Variants in NME9 observed in about 807,000 individuals in gnomAD.
NME9 encodes NME/NM23 family member 9.
Under a neutral mutation model 44.4 loss-of-function variants are expected in NME9, and 48 were observed. The ratio of observed to expected loss-of-function variants is 1.08; its 90% CI spans 0.86 to 1.37. The LOEUF is 1.37. Ranked by LOEUF, NME9 falls within the 40% of genes most tolerant of loss-of-function variation. NME9 has a pLI of 0.00. For missense variants in NME9, 325 were observed against 405.2 expected (o/e 0.80, Z 1.70); for synonymous variants, 139 against 147.1 (o/e 0.94, Z 0.40).
intron 1 of NME9, among the ~76,000 whole-genome samples, chr3:138,327,703 A>T (rs569969018): frequency 3.3e-5 from 5 of 152,188 alleles, no homozygotes; most frequent in African/African-American, 1.2e-4. Context: ...CAAGGGGTTT[A>T]CCTTATAGAG....
At chr3:138,263,802 G>C in intron 8 of NME9, 1 of 1,614,032 alleles carries the variant, frequency 6.2e-7, no homozygotes, top group Non-Finnish European at 8.5e-7. Flanking sequence ...TAGTGTCAAG[G>C]TGCGGTTAGC....
chr3:138,263,169 C>T (rs1257336451), intron 8 of NME9, among the ~76,000 whole-genome samples: 1 of 152,194 alleles, frequency 6.6e-6, no homozygotes, highest in East Asian at 1.9e-4. Context: ...AGGAAAATTG[C>T]AGGTTATCTT....
At chr3:138,297,171 T>C (rs2051560790), downstream of NME9, 1 of 152,250 alleles carries the variant, frequency 6.6e-6, no homozygotes. Flanking sequence ...AAATCTTTCC[T>C]GCATGAAGCT....
chr3:138,278,733 T>C (rs371125908), intron 8 of NME9, among the ~76,000 whole-genome samples: 2 of 152,196 alleles, frequency 1.3e-5, no homozygotes, highest in East Asian at 3.9e-4. Flanking sequence ...ATTCTTCTTA[T>C]AGCAGTGTTT....
downstream of NME9, chr3:138,296,924 A>G (rs1015318523): frequency 3.3e-5 from 5 of 152,180 alleles, no homozygotes; most frequent in Non-Finnish European, 7.3e-5. Flanking sequence ...TTGTGCTCAA[A>G]CTAAAAGTAG....
downstream of NME9, chr3:138,296,094 GTGTTT>G: frequency 4.0e-6 from 2 of 497,360 alleles, no homozygotes; most frequent in East Asian, 3.4e-5. Flanking sequence ...GAAGACTCTT[GTGTTT>G]TGTTTTGGTT....
At chr3:138,299,227 C>T (rs2051717177), downstream of NME9, among the ~76,000 whole-genome samples, 1 of 152,160 alleles carries the variant, frequency 6.6e-6, no homozygotes, top group South Asian at 2.1e-4. Context: ...TGAGGGAACC[C>T]CCCAAGGGCC....
At chr3:138,274,948 C>T (rs1210206315) in intron 8 of NME9, among the ~76,000 whole-genome samples, 2 of 152,224 alleles carry the variant, frequency 1.3e-5, no homozygotes, top group Non-Finnish European at 2.9e-5. Flanking sequence ...AATAATTCCT[C>T]ATCCTGGAGA....
chr3:138,288,569 C>T (rs1330964854), intron 8 of NME9, among the ~76,000 whole-genome samples: 2 of 151,902 alleles, frequency 1.3e-5, no homozygotes, highest in African/African-American at 4.8e-5. Flanking sequence ...TAGCCCAACC[C>T]TTCTACTCAT....
chr3:138,293,548 G>A (rs1010513618), intron 8 of NME9, among the ~76,000 whole-genome samples: 10 of 151,392 alleles, frequency 6.6e-5, no homozygotes, highest in African/African-American at 2.4e-4. Flanking sequence ...AAAAAAAAAA[G>A]AAAAGAGGAA....
intron 8 of NME9, among the ~76,000 whole-genome samples, chr3:138,288,217 A>G (rs1229448682): frequency 6.6e-6 from 1 of 152,218 alleles, no homozygotes; most frequent in African/African-American, 2.4e-5. Context: ...TCTAGGTGTT[A>G]CAGAACTTCA....
At chr3:138,323,969 C>G (rs961863962) in intron 2 of NME9, among the ~76,000 whole-genome samples, 5 of 152,146 alleles carry the variant, frequency 3.3e-5, no homozygotes, top group African/African-American at 1.2e-4. Context: ...TGACCAGCTT[C>G]TGATGAGCAG....
At chr3:138,312,794 A>T (rs1274210475) in intron 6 of NME9, among the ~76,000 whole-genome samples, 2 of 152,226 alleles carry the variant, frequency 1.3e-5, no homozygotes, top group African/African-American at 2.4e-5. Context: ...AAAGCAAAGG[A>T]CACAATCAAC....
intron 2 of NME9, among the ~76,000 whole-genome samples, chr3:138,322,533 C>T (rs961233536): frequency 7.3e-5 from 11 of 150,250 alleles, no homozygotes; most frequent in African/African-American, 2.7e-4. Flanking sequence ...TGTGCATGCA[C>T]GTGTAGGTCT....
chr3:138,266,559 A>C (rs968093775), intron 8 of NME9, among the ~76,000 whole-genome samples: 1 of 152,178 alleles, frequency 6.6e-6, no homozygotes, highest in South Asian at 2.1e-4. Context: ...ATTTAATCCT[A>C]AATAGTTCTA....
chr3:138,302,422 C>T (rs969050314), intron 10 of NME9, among the ~76,000 whole-genome samples: 1 of 152,184 alleles, frequency 6.6e-6, no homozygotes, highest in Non-Finnish European at 1.5e-5. Flanking sequence ...CTTCCAATCA[C>T]CACCCCCCAT....
chr3:138,269,831 T>G, intron 8 of NME9, among the ~76,000 whole-genome samples: 1 of 151,038 alleles, frequency 6.6e-6, no homozygotes, highest in African/African-American at 2.4e-5. Context: ...TTTTTTTTTT[T>G]TTTTTTTGGC....
chr3:138,308,398 C>A (rs1434495861), intron 6 of NME9, among the ~76,000 whole-genome samples: 1 of 152,088 alleles, frequency 6.6e-6, no homozygotes, highest in Non-Finnish European at 1.5e-5. Flanking sequence ...ACCGTCCCAG[C>A]AACAGCCTTC....
rs1313104947 is a variant in NME9 at position 138,301,645 on chromosome 3, C to T, written c.988G>A (p.Asp330Asn). 1.3e-6 allele frequency: 2 copies of T among 1,536,140 alleles called. No individual in the cohort carries two copies. Among genetic ancestry groups the T allele is most frequent in the Non-Finnish European group, 1.7e-6 (2 of 1,146,902 alleles). ...TEALCFPEDV[D>N] ...GGAAGAGCAGCACAGCCATCTCAAT[C>T]CACATCCTCAGGAAAGCAAAGCGCC... The change falls in exon 11 of 11, where the codon GAT becomes AAT. Residue 330 changes from aspartate to asparagine, a missense_variant. Physicochemically the swap from Asp to Asn is conservative, Grantham distance 23. Coordinates refer to ENST00000333911, the MANE Select transcript of NME9 (RefSeq NM_001349018.2).
Sources: allele counts gnomAD v4.1 joint callset (sites outside exome capture counted in the v4.1 genomes callset), GRCh38; gene constraint gnomAD v4.1.1; transcripts MANE v1.5; gene names NCBI Gene and HGNC (gene_info 2026-07-23, HGNC 2026-07-21).